The following MSANTD7 variants were observed in gnomAD, a reference collection of about 807,000 sequenced individuals.
The protein encoded by MSANTD7 is Myb/SANT DNA binding domain containing 7.
At chr10:14,839,836 C>A in the MSANTD7 span, 1 of 1,106,480 alleles carries the variant, frequency 9.0e-7, no homozygotes, top group South Asian at 1.5e-5. Context: ...GGCAAAGTAA[C>A]ACTGGTGCAC....
chr10:14,845,338 G>A, the MSANTD7 span: 1 of 985,360 alleles, frequency 1.0e-6, no homozygotes, highest in Non-Finnish European at 1.2e-6. Context: ...GTTGGGGGAG[G>A]TTTTATTTTC....
chr10:14,842,281 C>T, the MSANTD7 span: 351 of 1,534,852 alleles, frequency 2.3e-4, 1 homozygote, highest in Middle Eastern at 1.7e-4. The surrounding 1 kb of genome is among the most constrained non-coding windows in gnomAD (Gnocchi z 5.2). Flanking sequence ...CTTTCCAACC[C>T]ACAATGGCCA....
At chr10:14,843,275 A>G in the MSANTD7 span, 1 of 1,452,836 alleles carries the variant, frequency 6.9e-7, no homozygotes, top group South Asian at 1.2e-5. Context: ...TCCAGGAACA[A>G]CCATAGTTTT....
At chr10:14,838,581 C>T in the MSANTD7 span, 6 of 945,740 alleles carry the variant, frequency 6.3e-6, no homozygotes, top group African/African-American at 6.7e-5. Flanking sequence ...GTGGCGTTGC[C>T]GCGAGGACAC....
At chr10:14,842,262 C>G in the MSANTD7 span, 7 of 1,534,938 alleles carry the variant, frequency 4.6e-6, no homozygotes, top group Non-Finnish European at 5.2e-6. This position sits in a 1 kb window ranked among gnomAD's most constrained non-coding sequence, Gnocchi z 5.2. Flanking sequence ...CAGAAGCTGC[C>G]TAGCCCTCCT....
At chr10:14,842,888 G>A in the MSANTD7 span, 1 of 1,353,186 alleles carries the variant, frequency 7.4e-7, no homozygotes, top group Non-Finnish European at 1.0e-6. The surrounding 1 kb of genome is among the most constrained non-coding windows in gnomAD (Gnocchi z 5.2). Context: ...CCAGAGTCTT[G>A]TGGCTCTAAA....
the MSANTD7 span, chr10:14,843,514 G>C: frequency 3.2e-6 from 5 of 1,550,564 alleles, no homozygotes; most frequent in Non-Finnish European, 4.4e-6. Context: ...CAGCACTCCT[G>C]GGGTAGCCTC....
chr10:14,846,116 A>G, the MSANTD7 span: 4 of 982,934 alleles, frequency 4.1e-6, no homozygotes, highest in Non-Finnish European at 4.8e-6. Flanking sequence ...CACCAGACAT[A>G]TAGACTCTTT....
chr10:14,840,738 AG>A, the MSANTD7 span, among the ~76,000 whole-genome samples: 2 of 152,240 alleles, frequency 1.3e-5, no homozygotes, highest in African/African-American at 4.8e-5. Flanking sequence ...CTCAAATTAT[AG>A]ATTGCTATAA....
chr10:14,845,560 T>G, the MSANTD7 span: 22 of 981,802 alleles, frequency 2.2e-5, no homozygotes, highest in Non-Finnish European at 2.7e-5. Flanking sequence ...CACAGTTTGT[T>G]TCATCAGACA....
the MSANTD7 span, chr10:14,846,268 A>C: frequency 1.0e-6 from 1 of 985,300 alleles, no homozygotes; most frequent in African/African-American, 1.7e-5. Flanking sequence ...ACACAGAAGT[A>C]CTTGACGGAG....
At chr10:14,838,987 C>T in the MSANTD7 span, among the ~76,000 whole-genome samples, 2 of 152,132 alleles carry the variant, frequency 1.3e-5, no homozygotes, top group African/African-American at 4.8e-5. Flanking sequence ...GGCCGCAGAA[C>T]GCGCTGAGCT....
chr10:14,838,495 C>G, the MSANTD7 span: 4 of 1,557,170 alleles, frequency 2.6e-6, no homozygotes, highest in Admixed American at 5.6e-5. Context: ...GGCTTCATGA[C>G]GGCCACCCGG....
chr10:14,841,868 C>G, the MSANTD7 span, among the ~76,000 whole-genome samples: 1 of 152,222 alleles, frequency 6.6e-6, no homozygotes, highest in Non-Finnish European at 1.5e-5. Flanking sequence ...GATTTTCCCT[C>G]CCAGCCCATC....
chr10:14,841,471 T>G, the MSANTD7 span, among the ~76,000 whole-genome samples: 1 of 152,200 alleles, frequency 6.6e-6, no homozygotes, highest in African/African-American at 2.4e-5. Flanking sequence ...AACACATTGC[T>G]GGATTCACCA....
At chr10:14,843,671 G>A in the MSANTD7 span, 1 of 1,547,276 alleles carries the variant, frequency 6.5e-7, no homozygotes. Context: ...GCAGAAAACA[G>A]GCGATTGGCA....
chr10:14,840,158 G>A, the MSANTD7 span: 1 of 1,371,752 alleles, frequency 7.3e-7, no homozygotes, highest in South Asian at 1.7e-5. Flanking sequence ...TGGGCAGAAG[G>A]TATGGAATCA....
chr10:14,842,028 G>C, the MSANTD7 span: 1 of 770,822 alleles, frequency 1.3e-6, no homozygotes, highest in Non-Finnish European at 2.1e-6. This position sits in a 1 kb window ranked among gnomAD's most constrained non-coding sequence, Gnocchi z 5.2. Context: ...TCTCAGTCTT[G>C]GCCTCATGCC....
At chr10:14,843,747 T>G in the MSANTD7 span, 2 of 1,536,654 alleles carry the variant, frequency 1.3e-6, no homozygotes, top group Non-Finnish European at 1.7e-6. Context: ...AGGAGGCCAG[T>G]GCTCAGCAAG....
Sources: gnomAD v4.1 joint callset for allele counts (sites outside exome capture counted in the v4.1 genomes callset) on GRCh38, gnomAD v4.1.1 for gene constraint, Gnocchi (gnomAD v3.1) non-coding constraint, MANE v1.5 for transcripts, NCBI Gene and HGNC (gene_info 2026-07-23, HGNC 2026-07-21) for gene names.